The following ZNF804B variants were observed in gnomAD, a reference collection of about 807,000 sequenced individuals.
ZNF804B encodes the protein zinc finger protein 804B, also known as zinc finger 804B.
ZNF804B carries 80 observed loss-of-function variants against 101.4 expected under a neutral mutation model. The ratio of observed to expected loss-of-function variants is 0.79; its 90% CI spans 0.66 to 0.95. The LOEUF is 0.95. Ranked by LOEUF, ZNF804B falls within the 40% of genes least tolerant of loss-of-function variation. The pLI is 0.00. For synonymous variants in ZNF804B, 622 were observed against 558.8 expected (o/e 1.11, Z -1.59); for missense variants, 1,673 against 1,561.9 (o/e 1.07, Z -1.20).
chr7:88,999,300 G>A (rs1044361275), intron 1 of ZNF804B, among the ~76,000 whole-genome samples: 1 of 151,974 alleles, frequency 6.6e-6, no homozygotes, highest in Non-Finnish European at 1.5e-5. Context: ...TCTTATATCA[G>A]TACTATATAA....
intron 1 of ZNF804B, among the ~76,000 whole-genome samples, chr7:89,039,651 C>T (rs1584089791): frequency 6.7e-6 from 1 of 149,512 alleles, no homozygotes. Flanking sequence ...CTTCAAGTGT[C>T]TTTTTTTTTT....
chr7:89,126,604 G>T (rs549140315), intron 1 of ZNF804B, among the ~76,000 whole-genome samples: 33 of 151,834 alleles, frequency 2.2e-4, no homozygotes, highest in Non-Finnish European at 3.4e-4. Context: ...CTCATTATTA[G>T]AAATTTTTCT....
At chr7:89,016,657 G>A (rs1389187824) in intron 1 of ZNF804B, among the ~76,000 whole-genome samples, 5 of 151,678 alleles carry the variant, frequency 3.3e-5, no homozygotes, top group East Asian at 1.9e-4. Context: ...TAGATATGTG[G>A]CATTATTTCT....
intron 1 of ZNF804B, among the ~76,000 whole-genome samples, chr7:89,002,460 C>T (rs1788304467): frequency 1.3e-5 from 2 of 151,786 alleles, no homozygotes; most frequent in African/African-American, 4.8e-5. Context: ...CTGTTTTAAG[C>T]AGTTTACATG....
At chr7:89,144,765 A>G (rs932429149) in intron 1 of ZNF804B, among the ~76,000 whole-genome samples, 2 of 152,082 alleles carry the variant, frequency 1.3e-5, no homozygotes, top group Non-Finnish European at 2.9e-5. Context: ...ATCATCCAAC[A>G]TTATAAACAT....
chr7:89,327,113 C>T (rs1020511419), intron 2 of ZNF804B, among the ~76,000 whole-genome samples: 7 of 145,712 alleles, frequency 4.8e-5, no homozygotes, highest in African/African-American at 2.0e-4. Context: ...GGCCTGGGGC[C>T]CAGCTTTGCA....
chr7:89,198,622 A>C (rs1394277230), intron 1 of ZNF804B, among the ~76,000 whole-genome samples: 1 of 152,044 alleles, frequency 6.6e-6, no homozygotes, highest in Non-Finnish European at 1.5e-5. Flanking sequence ...CAGAGTGATT[A>C]AACATTATTT....
At chr7:89,249,535 T>G (rs1320054643) in intron 2 of ZNF804B, among the ~76,000 whole-genome samples, 1 of 152,146 alleles carries the variant, frequency 6.6e-6, no homozygotes, top group Non-Finnish European at 1.5e-5. Flanking sequence ...CAATGACTTT[T>G]GGGTAAATAA....
intron 1 of ZNF804B, among the ~76,000 whole-genome samples, chr7:89,178,799 A>G (rs186148996): frequency 1.1e-3 from 163 of 152,186 alleles, no homozygotes; most frequent in Non-Finnish European, 1.4e-3. Context: ...GCTTATTAAC[A>G]TCTGTTTCTT....
chr7:89,127,654 A>C (rs1182498514), intron 1 of ZNF804B, among the ~76,000 whole-genome samples: 2 of 151,748 alleles, frequency 1.3e-5, no homozygotes, highest in Admixed American at 6.6e-5. Flanking sequence ...GTCCCATAGG[A>C]AGCCATAGTG....
At chr7:89,299,296 A>G (rs1790442961) in intron 2 of ZNF804B, among the ~76,000 whole-genome samples, 1 of 152,040 alleles carries the variant, frequency 6.6e-6, no homozygotes, top group Admixed American at 6.6e-5. Context: ...ATGTCCTATT[A>G]TCAGGTCACA....
chr7:88,798,467 G>A (rs1562796923), intron 1 of ZNF804B, among the ~76,000 whole-genome samples: 1 of 152,070 alleles, frequency 6.6e-6, no homozygotes, highest in Non-Finnish European at 1.5e-5. Flanking sequence ...AGACAATGTT[G>A]CATGGTTCAA....
At chr7:89,188,150 T>A (rs1299454388) in intron 1 of ZNF804B, among the ~76,000 whole-genome samples, 1 of 152,132 alleles carries the variant, frequency 6.6e-6, no homozygotes, top group Admixed American at 6.6e-5. Flanking sequence ...CCCGACAGCC[T>A]GTGCTCACTT....
chr7:88,856,320 A>C (rs1211200179), intron 1 of ZNF804B, among the ~76,000 whole-genome samples: 2 of 152,116 alleles, frequency 1.3e-5, no homozygotes, highest in East Asian at 1.9e-4. Flanking sequence ...GAGGTCCTTC[A>C]CATCCCTTGT....
At chr7:89,006,647 C>T (rs1200232346) in intron 1 of ZNF804B, among the ~76,000 whole-genome samples, 2 of 151,944 alleles carry the variant, frequency 1.3e-5, no homozygotes, top group African/African-American at 2.4e-5. Context: ...GTTTTTAAAG[C>T]TACTTTCAAT....
intron 1 of ZNF804B, among the ~76,000 whole-genome samples, chr7:89,055,635 C>T (rs191267576): frequency 1.1e-4 from 16 of 152,170 alleles, no homozygotes; most frequent in Non-Finnish European, 1.5e-4. Flanking sequence ...ACTGCCCACC[C>T]GCTTCCTTTG....
At chr7:88,879,007 A>T (rs117421318) in intron 1 of ZNF804B, among the ~76,000 whole-genome samples, 2,024 of 152,248 alleles carry the variant, frequency 0.013, 27 homozygotes, top group Non-Finnish European at 0.02. Flanking sequence ...CTGCCAGGCA[A>T]TATTAGGTTC....
intron 2 of ZNF804B, among the ~76,000 whole-genome samples, chr7:89,220,047 A>ATATATATGCACACATATATGTGTGTG (rs1562920295): frequency 2.6e-5 from 1 of 38,762 alleles, no homozygotes; most frequent in Non-Finnish European, 5.5e-5. Context: ...ATATATGTGC[A>ATATATATGCACACATATATGTGTGTG]TATATACATA....
chr7:89,332,196 A>G (rs1180561858), intron 3 of ZNF804B, among the ~76,000 whole-genome samples: 2 of 151,786 alleles, frequency 1.3e-5, no homozygotes, highest in Admixed American at 6.6e-5. Context: ...AGCAAAGTAC[A>G]TGAAATTTGG....
Sources: allele counts gnomAD v4.1 joint callset (sites outside exome capture counted in the v4.1 genomes callset), GRCh38; gene constraint gnomAD v4.1.1; transcripts MANE v1.5; gene names NCBI Gene and HGNC (gene_info 2026-07-23, HGNC 2026-07-21).